DPP4: variants seen among roughly 807,000 people sequenced by gnomAD.
DPP4 encodes the protein ADCP-2.
DPP4 carries 93 observed loss-of-function variants against 122.4 expected under a neutral mutation model. The observed-to-expected ratio is 0.76, with a 90% CI of 0.64 to 0.90. DPP4 has a LOEUF of 0.90. Among genes scored for constraint, DPP4 ranks in the 40% least tolerant of loss-of-function variants. The pLI, the probability that DPP4 is intolerant of heterozygous loss-of-function variation, is 0.00. For synonymous variants in DPP4, 321 were observed against 302.9 expected (o/e 1.06, Z -0.62); for missense variants, 914 against 907.3 (o/e 1.01, Z -0.09).
Position 162,074,144 on chromosome 2 carries a change from T to A in DPP4, c.-163A>T, listed in dbSNP as rs1685227144. The A allele has an allele frequency of 1.4e-6, 2 of 1,389,384 alleles. No individual in the cohort carries two copies. Among genetic ancestry groups the A allele is most frequent in the African/African-American group, 3.0e-5 (2 of 66,884 alleles). The allele number at this position is 1,389,384 out of a possible 1,614,324, so 86.1% of individuals were successfully genotyped here. A position where few individuals can be genotyped will look rare whatever the true frequency, so the allele number is the denominator to read the frequency against. ...AAACATTAGTGAGCGCCGAGCCCGC[T>A]GGGTATAAAGGCGCCGCGGGCAGGC... On this transcript the variant is annotated 5_prime_UTR_variant, in exon 1 of 26. Coordinates refer to ENST00000360534, the MANE Select transcript of DPP4 (RefSeq NM_001935.4).
intron 2 of DPP4, among the ~76,000 whole-genome samples, chr2:162,072,858 A>G (rs1685165442): frequency 6.6e-6 from 1 of 152,136 alleles, no homozygotes; most frequent in Admixed American, 6.5e-5. Flanking sequence ...AAATTGGTCA[A>G]TTACTTCCCT....
At chr2:162,023,480 C>G (rs577494176) in intron 11 of DPP4, among the ~76,000 whole-genome samples, 3 of 152,196 alleles carry the variant, frequency 2.0e-5, no homozygotes. Flanking sequence ...CTACACCTCT[C>G]CCCCAGTCCC....
intron 2 of DPP4, among the ~76,000 whole-genome samples, chr2:162,053,100 T>G (rs190325666): frequency 6.6e-5 from 10 of 152,262 alleles, no homozygotes; most frequent in Admixed American, 5.9e-4. Flanking sequence ...AAGGGAAGAT[T>G]TGGAAAAGTC....
chr2:162,069,899 A>G (rs1442415520), intron 2 of DPP4, among the ~76,000 whole-genome samples: 1 of 152,248 alleles, frequency 6.6e-6, no homozygotes, highest in Non-Finnish European at 1.5e-5. Context: ...TTACCACTAA[A>G]GCAGTGAAAG....
intron 6 of DPP4, 32 bp from the exon 7 acceptor site, chr2:162,039,053 AAAG>A: frequency 6.2e-7 from 1 of 1,612,964 alleles, no homozygotes; most frequent in East Asian, 2.2e-5. Flanking sequence ...ATATTATCAA[AAAG>A]AATAACTCAC....
chr2:161,995,210 AAC>A, intron 24 of DPP4, 88 bp downstream of exon 24: 5 of 1,364,852 alleles, frequency 3.7e-6, no homozygotes, highest in South Asian at 1.2e-5. Context: ...AAGTAAATGT[AAC>A]AGTCTTGCCC....
chr2:162,033,526 G>T lies in DPP4; in HGVS notation c.887+15C>A. 6.3e-7 allele frequency: 1 copy of T among 1,591,048 alleles called. No homozygotes were observed. Among genetic ancestry groups the T allele is most frequent in the Non-Finnish European group, 8.6e-7 (1 of 1,164,794 alleles). ...AAACTGTTTACAAGCCAAGCATTCA[G>T]GACAAGAGTCTTACCCTATCAACAT... On this transcript the variant is annotated intron_variant, in intron 10 of 25. Transcript: ENST00000360534.
At chr2:161,996,138 T>C (rs1169315599) in intron 23 of DPP4, among the ~76,000 whole-genome samples, 1 of 152,194 alleles carries the variant, frequency 6.6e-6, no homozygotes, top group East Asian at 1.9e-4. Context: ...CCAGGGCTCC[T>C]AGAATGAGGG....
At chr2:162,000,216 G>C (rs1701112286) in intron 23 of DPP4, among the ~76,000 whole-genome samples, 1 of 152,022 alleles carries the variant, frequency 6.6e-6, no homozygotes. Flanking sequence ...TGTAACCAAA[G>C]CTGCATAAAT....
At position 162,011,782 on chromosome 2, in the gene DPP4, T is replaced by C. The variant is rs1402141154; in HGVS notation, c.1832+11A>G. 3 of 1,612,378 alleles carry C rather than the reference T, an allele frequency of 1.9e-6. No individual in the cohort carries two copies. In the African/African-American group the frequency reaches 4.0e-5, roughly 22 times the overall value. ...TCAGATGACCTTTGACTTCATCTCC[T>C]AGTCACTCACCTGGCTGCTTCAATT... On this transcript the variant is annotated intron_variant, in intron 20 of 25. Coordinates refer to ENST00000360534, the MANE Select transcript of DPP4 (RefSeq NM_001935.4).
At chr2:161,998,399 C>G (rs533595079) in intron 23 of DPP4, among the ~76,000 whole-genome samples, 220 of 152,238 alleles carry the variant, frequency 1.4e-3, no homozygotes, top group African/African-American at 5.2e-3. Context: ...CTCCTTGTTG[C>G]TCTCCAAATT....
At chr2:162,045,185 A>G (rs368876124) in intron 5 of DPP4, among the ~76,000 whole-genome samples, 1 of 152,140 alleles carries the variant, frequency 6.6e-6, no homozygotes, top group East Asian at 1.9e-4. Context: ...AAGCTGTGAC[A>G]AAGGAAATAA....
At chr2:161,997,759 C>A (rs1234924581) in intron 23 of DPP4, among the ~76,000 whole-genome samples, 1 of 152,136 alleles carries the variant, frequency 6.6e-6, no homozygotes, top group Non-Finnish European at 1.5e-5. Flanking sequence ...CAAATCCTTG[C>A]AATATTTGCG....
At chr2:162,057,380 T>C (rs1179834769) in intron 2 of DPP4, among the ~76,000 whole-genome samples, 1 of 152,190 alleles carries the variant, frequency 6.6e-6, no homozygotes, top group Non-Finnish European at 1.5e-5. Context: ...GCTCAGTAAT[T>C]CTGGGGAAGG....
In DPP4 at chr2:162,020,307, T is replaced by G. The variant is rs200975514; in HGVS notation, c.1177-11A>C. ...AATAAATGTGCAGTCCTGATGGTTT[T>G]TTTTTTTTTTCAAAAAAAAAAAAAA... On this transcript the variant is annotated splice_polypyrimidine_tract_variant and intron_variant, in intron 13 of 25. Coordinates refer to ENST00000360534, the MANE Select transcript of DPP4 (RefSeq NM_001935.4). 26 of 1,542,192 alleles carry G rather than the reference T, an allele frequency of 1.7e-5. No homozygotes were observed. Among genetic ancestry groups the G allele is most frequent in the Admixed American group, 4.2e-5 (2 of 47,110 alleles).
At chr2:162,045,724 G>T in intron 4 of DPP4, 112 bp from the exon 5 acceptor site, 1 of 727,302 alleles carries the variant, frequency 1.4e-6, no homozygotes, top group Non-Finnish European at 2.4e-6. Context: ...GCTTTGGGAA[G>T]TCCTAATCTA....
At chr2:162,026,945 T>C (rs1470538165) in intron 10 of DPP4, among the ~76,000 whole-genome samples, 2 of 152,180 alleles carry the variant, frequency 1.3e-5, no homozygotes, top group Non-Finnish European at 2.9e-5. Context: ...CACATCTCTG[T>C]CACTACTCCA....
intron 2 of DPP4, among the ~76,000 whole-genome samples, chr2:162,055,352 AG>A (rs1167182387): frequency 6.6e-6 from 1 of 152,318 alleles, no homozygotes; most frequent in East Asian, 1.9e-4. Context: ...ACTATACATA[AG>A]GGACATTAGC....
chr2:162,048,734 G>T (rs1684276395), intron 2 of DPP4, among the ~76,000 whole-genome samples: 1 of 151,998 alleles, frequency 6.6e-6, no homozygotes, highest in Non-Finnish European at 1.5e-5. Context: ...TCTGACTTTT[G>T]CCCCAACACT....
Sources: gnomAD v4.1 joint callset for allele counts (sites outside exome capture counted in the v4.1 genomes callset) on GRCh38, gnomAD v4.1.1 for gene constraint, MANE v1.5 for transcripts, NCBI Gene and HGNC (gene_info 2026-07-23, HGNC 2026-07-21) for gene names.